Variants in FCHSD2 observed in about 807,000 individuals in gnomAD.
FCHSD2 encodes the protein F-BAR and double SH3 domains protein 2.
Under a neutral mutation model 108.1 loss-of-function variants are expected in FCHSD2, and 38 were observed. The observed-to-expected ratio is 0.35, with a 90% CI of 0.27 to 0.46. FCHSD2 has a LOEUF of 0.46. Among genes scored for constraint, FCHSD2 ranks in the 20% least tolerant of loss-of-function variants. FCHSD2 has a pLI of 1.00. For missense variants in FCHSD2, 751 were observed against 897.8 expected (o/e 0.84, Z 2.09); for synonymous variants, 279 against 314.7 (o/e 0.89, Z 1.20).
rs576464772 is a variant in FCHSD2 at position 73,011,605 on chromosome 11, G to A, written c.242+4204C>T. On this transcript the variant is annotated intron_variant, in intron 4 of 19. Transcript: ENST00000409418. ...GCTGCAGTTGCTTAGTTCTCAGAGCGTGTGTGGGACCCAGCATGAGCTCCC... is the reference window on the plus strand; with the variant it reads ...GCTGCAGTTGCTTAGTTCTCAGAGCATGTGTGGGACCCAGCATGAGCTCCC... Among the ~76,000 whole-genome samples the A allele has an allele frequency of 9.2e-5, 14 of 152,256 alleles. No individual in the cohort carries two copies. The East Asian group carries it at 1.4e-3, about 15-fold the overall frequency.
chr11:72,840,313 A>T (rs1399098575), intron 19 of FCHSD2, among the ~76,000 whole-genome samples: 1 of 152,212 alleles, frequency 6.6e-6, no homozygotes, highest in Non-Finnish European at 1.5e-5. Context: ...AAGGAATGGT[A>T]TCAAAAGCTA....
intron 3 of FCHSD2, among the ~76,000 whole-genome samples, chr11:73,055,184 A>G (rs1427537052): frequency 6.6e-6 from 1 of 152,124 alleles, no homozygotes; most frequent in African/African-American, 2.4e-5. Flanking sequence ...AACCACCCCC[A>G]TGATTCAATT....
In FCHSD2 at chr11:72,867,058, T is replaced by C. The variant is rs1268166895; in HGVS notation, c.1308+807A>G. On this transcript the variant is annotated intron_variant, in intron 13 of 19. Coordinates refer to ENST00000409418, the MANE Select transcript of FCHSD2 (RefSeq NM_014824.3). Reference sequence around the variant, plus strand: ...CCAGGAAGATATGGCAATTACATTCTAGAGAGGAAGACAACAATAAACAAA... The same window carrying C: ...CCAGGAAGATATGGCAATTACATTCCAGAGAGGAAGACAACAATAAACAAA... Among the ~76,000 whole-genome samples, 3 of 152,190 alleles carry C rather than the reference T, an allele frequency of 2.0e-5. No individual in the cohort carries two copies. The East Asian group carries it at 5.8e-4, about 29-fold the overall frequency.
chr11:72,949,343 A>G (rs961759124), intron 8 of FCHSD2, among the ~76,000 whole-genome samples: 3 of 152,030 alleles, frequency 2.0e-5, no homozygotes, highest in African/African-American at 7.2e-5. Flanking sequence ...ACAGCTACTC[A>G]GGAGGCTGAG....
Position 72,842,825 on chromosome 11 carries a change from T to C in FCHSD2, c.1722A>G (p.Ala574=). 6.2e-7 allele frequency: 1 copy of C among 1,613,842 alleles called. No homozygotes were observed. Among genetic ancestry groups the C allele is most frequent in the South Asian group, 1.1e-5 (1 of 91,076 alleles). Residue 574 remains alanine, a synonymous_variant, in exon 17 of 20, where the codon GCA becomes GCG. Coordinates refer to ENST00000409418, the MANE Select transcript of FCHSD2 (RefSeq NM_014824.3). ...NGDASVCFVK[A]LYDYEGQTDD... ...CTGTCTGGCCCTCATAATCATAAAG[T>C]GCTTTCACAAAACATACTAGGGAGC...
chr11:72,908,770 G>T (rs1207932644), intron 9 of FCHSD2, among the ~76,000 whole-genome samples: 1 of 152,058 alleles, frequency 6.6e-6, no homozygotes, highest in Non-Finnish European at 1.5e-5. Context: ...TGGCTCAAGA[G>T]ATCCTCCCAT....
intron 13 of FCHSD2, among the ~76,000 whole-genome samples, chr11:72,858,328 T>G (rs1157582514): frequency 6.6e-6 from 1 of 152,242 alleles, no homozygotes; most frequent in Non-Finnish European, 1.5e-5. Flanking sequence ...GCATGTTCAT[T>G]GCAGCACTAT....
chr11:73,079,548 TC>T (rs1048452588), intron 3 of FCHSD2, among the ~76,000 whole-genome samples: 10 of 151,982 alleles, frequency 6.6e-5, no homozygotes, highest in Admixed American at 5.9e-4. Flanking sequence ...CCACATCCTG[TC>T]CCCATACAGG....
intron 8 of FCHSD2, among the ~76,000 whole-genome samples, chr11:72,953,223 G>A (rs187693854): frequency 6.6e-6 from 1 of 152,316 alleles, no homozygotes; most frequent in East Asian, 1.9e-4. Context: ...AGCATGACAA[G>A]CATTAGAAAC....
intron 8 of FCHSD2, among the ~76,000 whole-genome samples, chr11:72,981,920 G>A (rs930678584): frequency 6.6e-6 from 1 of 152,210 alleles, no homozygotes; most frequent in Non-Finnish European, 1.5e-5. Context: ...GGTTCAGGTT[G>A]CAGTGAGCCA....
chr11:72,862,262 TAAG>T (rs1454519858), intron 13 of FCHSD2, among the ~76,000 whole-genome samples: 1 of 152,076 alleles, frequency 6.6e-6, no homozygotes, highest in Admixed American at 6.5e-5. Flanking sequence ...AATTTTATAG[TAAG>T]AAGGAAAAAG....
chr11:73,041,901 T>TAA (rs1188580221), intron 3 of FCHSD2, among the ~76,000 whole-genome samples: 1 of 152,140 alleles, frequency 6.6e-6, no homozygotes, highest in Admixed American at 6.6e-5. Context: ...GTCCTAGGTT[T>TAA]AAGTCTAATC....
intron 13 of FCHSD2, among the ~76,000 whole-genome samples, chr11:72,860,228 G>A (rs1024662624): frequency 2.0e-5 from 3 of 152,134 alleles, no homozygotes; most frequent in Non-Finnish European, 2.9e-5. Context: ...GCCATGGACC[G>A]GTAAAAGGTT....
At chr11:72,944,007 C>A (rs935409649) in intron 8 of FCHSD2, among the ~76,000 whole-genome samples, 1 of 152,144 alleles carries the variant, frequency 6.6e-6, no homozygotes, top group African/African-American at 2.4e-5. Flanking sequence ...TAAAACTATT[C>A]CAATGAATAG....
At position 72,960,352 on chromosome 11, in the gene FCHSD2, T is replaced by C. The variant is rs183172658; in HGVS notation, c.705+23736A>G. Among the ~76,000 whole-genome samples the C allele has an allele frequency of 2.4e-3, 362 of 152,314 alleles. 4 individuals are homozygous for C. The highest frequency in any genetic ancestry group is 1.9e-3 in the Non-Finnish European group (128 of 68,022). Reference sequence around the variant, plus strand: ...CAACTCTGGGGATCACATTTCAACATGCAATTTGGAAGAAACAAATATCCA... The same window carrying C: ...CAACTCTGGGGATCACATTTCAACACGCAATTTGGAAGAAACAAATATCCA... On this transcript the variant is annotated intron_variant, in intron 8 of 19. Coordinates refer to ENST00000409418, the MANE Select transcript of FCHSD2 (RefSeq NM_014824.3).
At chr11:73,107,811 G>A (rs1201293937) in intron 2 of FCHSD2, among the ~76,000 whole-genome samples, 1 of 152,204 alleles carries the variant, frequency 6.6e-6, no homozygotes, top group Non-Finnish European at 1.5e-5. Context: ...GTACTCCACT[G>A]TGTGTATGTA....
chr11:73,000,818 A>G (rs928981258), intron 5 of FCHSD2, among the ~76,000 whole-genome samples, 172 bp downstream of exon 5: 5 of 152,234 alleles, frequency 3.3e-5, no homozygotes, highest in African/African-American at 1.2e-4. Context: ...TTAGCAGTTA[A>G]TAAAACATAG....
intron 3 of FCHSD2, among the ~76,000 whole-genome samples, chr11:73,031,509 G>C (rs1355074884): frequency 7.9e-5 from 12 of 152,218 alleles, no homozygotes. Context: ...TAAAGCAGTG[G>C]TTACCAGGAA....
chr11:73,045,746 C>T (rs1387705980), intron 3 of FCHSD2, among the ~76,000 whole-genome samples: 2 of 150,646 alleles, frequency 1.3e-5, no homozygotes. Flanking sequence ...GGAAGGGGAA[C>T]ATCACACTCT....
Sources: allele counts gnomAD v4.1 joint callset (sites outside exome capture counted in the v4.1 genomes callset), GRCh38; gene constraint gnomAD v4.1.1; transcripts MANE v1.5; gene names NCBI Gene and HGNC (gene_info 2026-07-23, HGNC 2026-07-21).